Variants in SNTA1 observed in about 807,000 individuals in gnomAD.
The protein encoded by SNTA1 is alpha-1-syntrophin.
SNTA1 carries 31 observed loss-of-function variants against 47.1 expected under a neutral mutation model. That is an observed-to-expected ratio of 0.66 (90% CI 0.49 to 0.89). SNTA1 has a LOEUF of 0.89. Ranked by LOEUF, SNTA1 falls within the 40% of genes least tolerant of loss-of-function variation. The pLI is 0.00. For missense variants in SNTA1, 575 were observed against 693.0 expected (o/e 0.83, Z 1.91); for synonymous variants, 300 against 313.6 (o/e 0.96, Z 0.46).
At chr20:33,430,891 G>C (rs1039743406) in intron 2 of SNTA1, among the ~76,000 whole-genome samples, 2 of 151,766 alleles carry the variant, frequency 1.3e-5, no homozygotes, top group African/African-American at 4.8e-5. Context: ...GCAGATTGCA[G>C]TGAGCCGAGA....
At chr20:33,419,404 C>T (rs1989964497) in intron 2 of SNTA1, among the ~76,000 whole-genome samples, 1 of 152,188 alleles carries the variant, frequency 6.6e-6, no homozygotes, top group Admixed American at 6.5e-5. Context: ...CTCTGAGGCT[C>T]AGATAGGATT....
chr20:33,421,167 G>C (rs1990009596), intron 2 of SNTA1, among the ~76,000 whole-genome samples: 1 of 144,802 alleles, frequency 6.9e-6, no homozygotes. Context: ...GTGATACCCT[G>C]TCTCAAAAAA....
chr20:33,408,912 A>C, intron 6 of SNTA1, 24 bp from the exon 7 acceptor site: 2 of 1,608,604 alleles, frequency 1.2e-6, no homozygotes, highest in African/African-American at 2.7e-5. Context: ...ACATAGGTAC[A>C]GGCACAGCTG....
intron 2 of SNTA1, among the ~76,000 whole-genome samples, chr20:33,434,699 C>T (rs1600860078): frequency 2.0e-5 from 3 of 151,802 alleles, no homozygotes; most frequent in Admixed American, 2.0e-4. Flanking sequence ...GACGCTTACA[C>T]TCTTTTTTTT....
intron 2 of SNTA1, among the ~76,000 whole-genome samples, chr20:33,428,839 A>G (rs141732280): frequency 0.01 from 1,571 of 151,874 alleles, 14 homozygotes; most frequent in Middle Eastern, 0.017. Flanking sequence ...TCAGGAGTTC[A>G]AAACCAGCCT....
Position 33,430,959 on chromosome 20 carries a change from A to G in SNTA1, c.496+7882T>C, listed in dbSNP as rs905239373. On this transcript the variant is annotated intron_variant, in intron 2 of 7. Transcript: ENST00000217381. ...GCGAGACTCCGTCTCAAAAAAAAAAAAAGATTATGGGTTTTCAGCCAGGCA... is the reference window on the plus strand; with the variant it reads ...GCGAGACTCCGTCTCAAAAAAAAAAGAAGATTATGGGTTTTCAGCCAGGCA... 2.2e-4 allele frequency among the ~76,000 whole-genome samples: 34 copies of G among 151,830 alleles called. 2 individuals are homozygous for G. Among genetic ancestry groups the G allele is most frequent in the Admixed American group, 3.9e-4 (6 of 15,250 alleles).
intron 2 of SNTA1, among the ~76,000 whole-genome samples, chr20:33,420,647 C>T (rs1377116941): frequency 6.6e-6 from 1 of 152,160 alleles, no homozygotes; most frequent in African/African-American, 2.4e-5. Flanking sequence ...ACTAACTACT[C>T]AGAGGCTGTA....
intron 2 of SNTA1, among the ~76,000 whole-genome samples, chr20:33,433,646 T>A (rs1019246185): frequency 5.3e-5 from 8 of 152,116 alleles, no homozygotes; most frequent in Admixed American, 2.6e-4. Flanking sequence ...GGGAAGGGTG[T>A]TTTCCTTGAG....
Position 33,443,702 on chromosome 20 carries a change from G to T in SNTA1, c.-82C>A. 1.1e-6 allele frequency: 1 copy of T among 883,486 alleles called. No homozygotes were observed. Among genetic ancestry groups the T allele is most frequent in the South Asian group, 5.3e-5 (1 of 18,848 alleles). The allele number at this position is 883,486 out of a possible 1,614,324, so 54.7% of individuals were successfully genotyped here. On this transcript the variant is annotated 5_prime_UTR_variant, in exon 1 of 8. Coordinates refer to ENST00000217381, the MANE Select transcript of SNTA1 (RefSeq NM_003098.3). ...GCTCCGACCAAGCGCCCAGGGCAGA[G>T]GGCAGCGGGGGCCCGGCTGGGCCAG...
rs6088217 is a variant in SNTA1 at position 33,430,009 on chromosome 20, T to C, written c.496+8832A>G. 3.6e-3 allele frequency among the ~76,000 whole-genome samples: 548 copies of C among 152,264 alleles called. 2 individuals are homozygous for C. Among genetic ancestry groups the C allele is most frequent in the Non-Finnish European group, 6.1e-3 (415 of 68,024 alleles). On this transcript the variant is annotated intron_variant, in intron 2 of 7. Transcript: ENST00000217381. Reference sequence around the variant, plus strand: ...CTGGATATTTTTGAATGAGTATGTATTACTTTTTAAATTTTCTAAAAAATC... The same window carrying C: ...CTGGATATTTTTGAATGAGTATGTACTACTTTTTAAATTTTCTAAAAAATC...
rs770142459 is a variant in SNTA1 at position 33,417,899 on chromosome 20, G to A, written c.521C>T (p.Pro174Leu). ...CCCACCAGTAGAGTTCTTGAAATAC[G>A]GTGAGACGTCCTTCATATACTTGAC... ...LEVKYMKDVS[P>L]YFKNSTGGTS... Residue 174 changes from proline to leucine, a missense_variant, in exon 3 of 8, where the codon CCG becomes CTG. Coordinates refer to ENST00000217381, the MANE Select transcript of SNTA1 (RefSeq NM_003098.3). The A allele has an allele frequency of 1.9e-6, 3 of 1,613,644 alleles. No homozygotes were observed. The highest frequency in any genetic ancestry group is 2.2e-5 in the East Asian group (1 of 44,876).
At position 33,408,678 on chromosome 20, in the gene SNTA1, T is replaced by G. The variant is rs747950709; in HGVS notation, c.1425+23A>C. On this transcript the variant is annotated intron_variant, in intron 7 of 7. Coordinates refer to ENST00000217381, the MANE Select transcript of SNTA1 (RefSeq NM_003098.3). The stretch of plus-strand genomic sequence containing the variant: ...AGTGCACACCCCCTCCTCCCCAGGG[T>G]GCAGAGGCAGCCCCTCACTCACGAT... The G allele has an allele frequency of 1.1e-5, 17 of 1,612,364 alleles. No individual in the cohort carries two copies. The East Asian group carries it at 3.8e-4, about 36-fold the overall frequency.
intron 2 of SNTA1, among the ~76,000 whole-genome samples, chr20:33,418,667 C>T (rs1366007295): frequency 1.3e-5 from 2 of 151,762 alleles, no homozygotes; most frequent in Non-Finnish European, 2.9e-5. Context: ...GTGGCTCGCA[C>T]CTGTAATCCC....
At chr20:33,427,062 CAAA>C (rs914615779) in intron 2 of SNTA1, among the ~76,000 whole-genome samples, 5 of 61,078 alleles carry the variant, frequency 8.2e-5, no homozygotes, top group Non-Finnish European at 1.5e-4. Context: ...AACCCTGTCT[CAAA>C]AAAAAAAAAA....
chr20:33,431,172 G>T (rs1427094227), intron 2 of SNTA1, among the ~76,000 whole-genome samples: 1 of 151,454 alleles, frequency 6.6e-6, no homozygotes, highest in Non-Finnish European at 1.5e-5. Context: ...GTGGTGGGAG[G>T]ATCACTTGAG....
At chr20:33,418,012 T>G in intron 2 of SNTA1, 89 bp from the exon 3 acceptor site, 1 of 863,984 alleles carries the variant, frequency 1.2e-6, no homozygotes, top group African/African-American at 1.6e-5. Flanking sequence ...GAGTTTAATT[T>G]ACGTGTCACT....
At chr20:33,415,884 G>A (rs570867565) in intron 3 of SNTA1, among the ~76,000 whole-genome samples, 101 of 151,906 alleles carry the variant, frequency 6.6e-4, no homozygotes, top group African/African-American at 2.3e-3. Context: ...CAAGGTGGGC[G>A]GATCACCTGA....
At chr20:33,413,382 G>A (rs759371055) in intron 3 of SNTA1, among the ~76,000 whole-genome samples, 3 of 152,008 alleles carry the variant, frequency 2.0e-5, no homozygotes, top group Admixed American at 6.6e-5. Context: ...CCCCGCCTTC[G>A]CCCTCCAAAG....
intron 6 of SNTA1, among the ~76,000 whole-genome samples, chr20:33,409,580 C>T (rs1355609993): frequency 6.6e-6 from 1 of 152,128 alleles, no homozygotes; most frequent in African/African-American, 2.4e-5. Flanking sequence ...CGTGCCTCAG[C>T]TTCCTGCGTA....
Sources: gnomAD v4.1 joint callset for allele counts (sites outside exome capture counted in the v4.1 genomes callset) on GRCh38, gnomAD v4.1.1 for gene constraint, MANE v1.5 for transcripts, NCBI Gene and HGNC (gene_info 2026-07-23, HGNC 2026-07-21) for gene names.